The following RBFOX1 variants were observed in gnomAD, a reference collection of about 807,000 sequenced individuals.
RBFOX1 encodes RNA binding fox-1 homolog 1.
RBFOX1 carries 8 observed loss-of-function variants against 57.7 expected under a neutral mutation model. The ratio of observed to expected loss-of-function variants is 0.14; its 90% CI spans 0.08 to 0.25. RBFOX1 has a LOEUF of 0.25. Among genes scored for constraint, RBFOX1 ranks in the 10% least tolerant of loss-of-function variants. RBFOX1 has a pLI of 1.00. For synonymous variants in RBFOX1, 326 were observed against 222.4 expected (o/e 1.47, Z -4.15); for missense variants, 611 against 548.5 (o/e 1.11, Z -1.14).
intron 3 of RBFOX1, among the ~76,000 whole-genome samples, chr16:5,701,671 C>G (rs988920667): frequency 6.6e-6 from 1 of 152,116 alleles, no homozygotes; most frequent in Non-Finnish European, 1.5e-5. Flanking sequence ...TGGCCTAAAA[C>G]AATCCGCCTG....
chr16:7,459,241 T>C (rs1055083743), intron 4 of RBFOX1, among the ~76,000 whole-genome samples: 5 of 152,182 alleles, frequency 3.3e-5, no homozygotes, highest in African/African-American at 1.2e-4. Flanking sequence ...AATCTCTACT[T>C]TCTAGACATT....
At chr16:7,350,438 C>G (rs1347812651) in intron 4 of RBFOX1, among the ~76,000 whole-genome samples, 1 of 152,146 alleles carries the variant, frequency 6.6e-6, no homozygotes, top group Non-Finnish European at 1.5e-5. Flanking sequence ...TCCCATTCCA[C>G]CTTGTAGGGC....
At chr16:7,655,002 T>C (rs1256450356) in intron 12 of RBFOX1, among the ~76,000 whole-genome samples, 1 of 152,214 alleles carries the variant, frequency 6.6e-6, no homozygotes, top group Non-Finnish European at 1.5e-5. Context: ...GGCCAGTGAC[T>C]GGCTTTCTGG....
intron 3 of RBFOX1, among the ~76,000 whole-genome samples, chr16:7,027,205 C>G (rs376641943): frequency 2.6e-5 from 4 of 152,268 alleles, no homozygotes; most frequent in East Asian, 3.9e-4. Context: ...TTATTGAACT[C>G]TCCAGCGCAC....
intron 3 of RBFOX1, among the ~76,000 whole-genome samples, chr16:6,726,402 T>TC (rs1183778708): frequency 6.6e-6 from 1 of 151,888 alleles, no homozygotes; most frequent in Non-Finnish European, 1.5e-5. Context: ...TTTTTCTTTT[T>TC]TTTTTTTTAA....
intron 2 of RBFOX1, among the ~76,000 whole-genome samples, chr16:6,438,047 G>A (rs369073565): frequency 1.1e-4 from 16 of 152,238 alleles, no homozygotes; most frequent in Admixed American, 4.6e-4. Flanking sequence ...TCCCAATGCC[G>A]TTCACCCTGG....
chr16:6,975,457 G>C (rs567932550), intron 3 of RBFOX1, among the ~76,000 whole-genome samples: 7 of 151,994 alleles, frequency 4.6e-5, no homozygotes, highest in African/African-American at 1.4e-4. Flanking sequence ...AGTGGAGATG[G>C]GGTTTCACCA....
rs566478104 is a variant in RBFOX1, at chr16:5,917,033, A to C, written c.351+49698A>C. ...GATGAATTGAGTCAGAAGGGCTTCC[A>C]CTGAGTCGCCCTTTCTCCCTTCACC... On this transcript the variant is annotated intron_variant, in intron 4 of 19. Coordinates refer to the RBFOX1 transcript ENST00000641259. Among the ~76,000 whole-genome samples, 459 of 152,188 alleles carry C rather than the reference A, an allele frequency of 3.0e-3. 1 individual carries two copies. The highest frequency in any genetic ancestry group is 4.7e-3 in the Non-Finnish European group (317 of 68,002).
At chr16:6,255,035 C>A (rs868063099) in intron 1 of RBFOX1, among the ~76,000 whole-genome samples, 1 of 152,096 alleles carries the variant, frequency 6.6e-6, no homozygotes, top group African/African-American at 2.4e-5. Context: ...CTCTCCCACC[C>A]CTTCCTTTTA....
At chr16:6,888,805 C>G (rs939694589) in intron 3 of RBFOX1, among the ~76,000 whole-genome samples, 1 of 152,102 alleles carries the variant, frequency 6.6e-6, no homozygotes, top group Non-Finnish European at 1.5e-5. Context: ...TATTGTGTTA[C>G]CAAACATTAG....
chr16:5,752,640 G>T (rs1434973941), intron 3 of RBFOX1, among the ~76,000 whole-genome samples: 1 of 152,084 alleles, frequency 6.6e-6, no homozygotes, highest in African/African-American at 2.4e-5. Flanking sequence ...ATTTTACAAA[G>T]GTTTCAGAAA....
chr16:7,640,423 T>G (rs1018881307), intron 11 of RBFOX1, among the ~76,000 whole-genome samples: 17 of 152,364 alleles, frequency 1.1e-4, no homozygotes, highest in South Asian at 2.1e-4. Flanking sequence ...AGGCCGCCAG[T>G]TGCAAAAACT....
chr16:6,027,214 G>A (rs1489673223), intron 1 of RBFOX1, among the ~76,000 whole-genome samples: 1 of 152,128 alleles, frequency 6.6e-6, no homozygotes, highest in East Asian at 1.9e-4. Flanking sequence ...CTGTGCTAGG[G>A]CTTCCTGTGT....
At chr16:6,933,199 C>T (rs978666969) in intron 3 of RBFOX1, among the ~76,000 whole-genome samples, 12 of 152,156 alleles carry the variant, frequency 7.9e-5, no homozygotes, top group East Asian at 1.9e-4. Context: ...ATGCTATGAA[C>T]GGGAGTGTAC....
At chr16:5,881,875 C>A (rs765788713) in intron 4 of RBFOX1, among the ~76,000 whole-genome samples, 6 of 152,310 alleles carry the variant, frequency 3.9e-5, no homozygotes, top group Non-Finnish European at 8.8e-5. Context: ...AGGCACTCTT[C>A]TAAGCACATT....
rs77529062 is a variant in RBFOX1 at position 7,545,065 on chromosome 16, C to A, written c.270+26676C>A. On this transcript the variant is annotated intron_variant, in intron 5 of 15. Transcript: ENST00000550418. ...TCAAACAGTGTCTACTAAGAGCAAG[C>A]ATGCAGAATAAAAGCTATCATGATT... Among the ~76,000 whole-genome samples the A allele has an allele frequency of 1.2e-3, 179 of 152,304 alleles. 1 individual carries two copies. The highest frequency in any genetic ancestry group is 2.9e-3 in the Admixed American group (45 of 15,296).
chr16:6,484,490 G>C (rs970865145), intron 2 of RBFOX1, among the ~76,000 whole-genome samples: 5 of 152,104 alleles, frequency 3.3e-5, no homozygotes, highest in Non-Finnish European at 7.4e-5. Flanking sequence ...CTTCTTCTGA[G>C]ATCAAATGGG....
intron 2 of RBFOX1, among the ~76,000 whole-genome samples, chr16:6,407,567 G>GTGTGTGTGTGTGTGTGTGTGTGTC (rs67151505): frequency 6.9e-6 from 1 of 144,970 alleles, no homozygotes; most frequent in Non-Finnish European, 1.5e-5. Flanking sequence ...GTGTGTGTGT[G>GTGTGTGTGTGTGTGTGTGTGTGTC]ACAGAGAGAG....
At chr16:5,285,794 A>T (rs1226420588) in intron 1 of RBFOX1, among the ~76,000 whole-genome samples, 1 of 151,990 alleles carries the variant, frequency 6.6e-6, no homozygotes, top group African/African-American at 2.4e-5. Flanking sequence ...CGTTGCTGAG[A>T]TGGAGTCTTG....
Sources: gnomAD v4.1 joint callset for allele counts (sites outside exome capture counted in the v4.1 genomes callset) on GRCh38, gnomAD v4.1.1 for gene constraint, MANE v1.5 for transcripts, NCBI Gene and HGNC (gene_info 2026-07-23, HGNC 2026-07-21) for gene names.